ZCCHC14: variants seen among roughly 807,000 people sequenced by gnomAD.
ZCCHC14 encodes zinc finger CCHC-type containing 14, also known as zinc finger CCHC domain-containing protein 14.
A neutral mutation model predicts 85.0 loss-of-function variants in ZCCHC14; 16 were observed. The ratio of observed to expected loss-of-function variants is 0.19; its 90% CI spans 0.13 to 0.29. The LOEUF (loss-of-function observed/expected upper bound fraction) is 0.29, where lower values mean the gene tolerates loss of function less well. Among genes scored for constraint, ZCCHC14 ranks in the 10% least tolerant of loss-of-function variants. The probability of loss-of-function intolerance (pLI) is 1.00; values close to 1 mark genes in which losing one functional copy is unlikely to be tolerated. For synonymous variants in ZCCHC14, 775 were observed against 630.7 expected (o/e 1.23, Z -3.43); for missense variants, 1,303 against 1,443.5 (o/e 0.90, Z 1.58).
At chr16:87,432,915 C>T (rs1431577404) in intron 3 of ZCCHC14, among the ~76,000 whole-genome samples, 2 of 152,080 alleles carry the variant, frequency 1.3e-5, no homozygotes, top group Admixed American at 6.5e-5. Context: ...AGGCCCTGCC[C>T]GAGCCCCCAC....
intron 1 of ZCCHC14, among the ~76,000 whole-genome samples, chr16:87,462,716 G>C (rs1597440658): frequency 1.3e-5 from 2 of 151,126 alleles, no homozygotes; most frequent in Admixed American, 6.6e-5. Context: ...CTCCAGCCTG[G>C]GCGACAGAGA....
intron 2 of ZCCHC14, 93 bp from the exon 3 acceptor site, chr16:87,433,294 A>G: frequency 2.4e-6 from 3 of 1,229,350 alleles, no homozygotes; most frequent in Non-Finnish European, 3.4e-6. Context: ...TTTCAAAACC[A>G]GGTTCTCAGC....
intron 1 of ZCCHC14, among the ~76,000 whole-genome samples, chr16:87,483,919 GTAA>G (rs1912400563): frequency 6.6e-6 from 1 of 152,218 alleles, no homozygotes. Flanking sequence ...GCACTGGTTT[GTAA>G]TAATACGATG....
At chr16:87,474,356 A>G (rs887009865) in intron 1 of ZCCHC14, 4 of 152,118 alleles carry the variant, frequency 2.6e-5, no homozygotes, top group Admixed American at 2.0e-4. Flanking sequence ...TTAACAGCAC[A>G]TGTTCCAGTT....
intron 2 of ZCCHC14, among the ~76,000 whole-genome samples, chr16:87,443,939 AG>A (rs1910306510): frequency 6.7e-6 from 1 of 148,242 alleles, no homozygotes; most frequent in Non-Finnish European, 1.5e-5. Context: ...CAGGAGGCTG[AG>A]GCATGAGAAT....
chr16:87,458,840 G>A (rs1238330567), intron 2 of ZCCHC14, among the ~76,000 whole-genome samples: 1 of 152,154 alleles, frequency 6.6e-6, no homozygotes, highest in Non-Finnish European at 1.5e-5. Context: ...GACACAGCCG[G>A]CCTCGGTACC....
intron 8 of ZCCHC14, among the ~76,000 whole-genome samples, chr16:87,416,906 C>T (rs1322625200): frequency 6.6e-6 from 1 of 152,168 alleles, no homozygotes; most frequent in African/African-American, 2.4e-5. Context: ...TAAAAGCCAC[C>T]AAGCCGGTTT....
chr16:87,412,772 A>T lies in ZCCHC14; in HGVS notation c.1949T>A (p.Val650Glu). 2 of 1,614,062 alleles carry T rather than the reference A, an allele frequency of 1.2e-6. No homozygotes were observed. Among genetic ancestry groups the T allele is most frequent in the Non-Finnish European group, 1.7e-6 (2 of 1,179,950 alleles). The change falls in exon 12 of 13, where the codon GTG (valine) becomes GAG (glutamate). Residue 650 changes from valine (V) to glutamate (E), a missense_variant. Around this residue, in one of 7 missense-constraint regions of ZCCHC14, gnomAD observed 797 missense variants for 730.8 expected, o/e 1.09. Transcript: ENST00000671377. The stretch of plus-strand genomic sequence containing the variant: ...CGCGCTCCCTCTTTCCGGCTTGTGC[A>T]CGGAATTCAGCATGCGGATGGGTGT... ...HITPIRMLNS[V>E]HKPERGSADM...
At chr16:87,418,797 A>T (rs28607955) in intron 7 of ZCCHC14, 50 bp downstream of exon 7, 1 of 1,563,160 alleles carries the variant, frequency 6.4e-7, no homozygotes, top group Non-Finnish European at 8.8e-7. Flanking sequence ...CAAAGTAAAC[A>T]TTGTAAAATG....
chr16:87,440,781 A>AT lies in ZCCHC14; in HGVS notation c.695-7581dup, dbSNP rs112200566. 7.9e-3 allele frequency among the ~76,000 whole-genome samples: 1,147 copies of AT among 146,016 alleles called. 10 individuals carry two copies. Among genetic ancestry groups the AT allele is most frequent in the African/African-American group, 0.026 (1,033 of 39,756 alleles). On this transcript the variant is annotated intron_variant, in intron 2 of 12. Coordinates refer to ENST00000671377, the MANE Select transcript of ZCCHC14 (RefSeq NM_015144.3). ...ATCACCATGCCCAGCCGATTTTTGT[A>AT]TTTTTTTTTTGTAGACACGGGGTTT...
At chr16:87,466,319 C>T (rs1463736754) in intron 1 of ZCCHC14, among the ~76,000 whole-genome samples, 1 of 152,166 alleles carries the variant, frequency 6.6e-6, no homozygotes, top group East Asian at 1.9e-4. Context: ...CCAAGTGGGA[C>T]GTGCTGACGC....
intron 3 of ZCCHC14, among the ~76,000 whole-genome samples, chr16:87,431,723 T>C (rs1338464837): frequency 1.3e-5 from 2 of 152,178 alleles, no homozygotes; most frequent in Admixed American, 6.5e-5. Flanking sequence ...TGAAGAGGCC[T>C]GACACCGCAA....
intron 1 of ZCCHC14, among the ~76,000 whole-genome samples, chr16:87,468,864 A>C (rs1036290241): frequency 1.3e-5 from 2 of 152,206 alleles, no homozygotes; most frequent in African/African-American, 4.8e-5. Context: ...CAAGGCTGAG[A>C]GGCCCTCCCT....
chr16:87,485,059 G>C (rs1172518962), intron 1 of ZCCHC14, among the ~76,000 whole-genome samples: 1 of 152,198 alleles, frequency 6.6e-6, no homozygotes, highest in African/African-American at 2.4e-5. Flanking sequence ...ATTTTTCTGT[G>C]AGCCTGCAAA....
At position 87,492,899 on chromosome 16, in the gene ZCCHC14, G is replaced by A. The variant is rs2057385959; in HGVS notation, c.-661C>T. 1.3e-5 allele frequency among the ~76,000 whole-genome samples: 2 copies of A among 148,866 alleles called. No individual in the cohort carries two copies. ...TGCTCCCGCGCGGCGGACGGATCCG[G>A]GCCCGAGCGCGGCGGCGGCGGCGAC... On this transcript the variant is annotated 5_prime_UTR_variant, in exon 1 of 13. Coordinates refer to ENST00000671377, the MANE Select transcript of ZCCHC14 (RefSeq NM_015144.3). This position sits in a 1 kb window ranked among gnomAD's most constrained non-coding sequence, Gnocchi z 6.7.
intron 1 of ZCCHC14, among the ~76,000 whole-genome samples, chr16:87,488,642 T>A (rs954073683): frequency 6.6e-6 from 1 of 152,208 alleles, no homozygotes; most frequent in Non-Finnish European, 1.5e-5. Flanking sequence ...AGTGGCATGA[T>A]CATACCTCAC....
intron 1 of ZCCHC14, among the ~76,000 whole-genome samples, chr16:87,464,188 G>A (rs1321619262): frequency 6.6e-6 from 1 of 152,192 alleles, no homozygotes; most frequent in Admixed American, 6.5e-5. Flanking sequence ...GGGAGAGGAG[G>A]GCTGAGCAGG....
Position 87,412,635 on chromosome 16 carries a change from T to C in ZCCHC14, c.2086A>G (p.Met696Val), listed in dbSNP as rs768315452. 8 of 1,614,104 alleles carry C rather than the reference T, an allele frequency of 5.0e-6. No homozygotes were observed. The African/African-American group carries it at 5.3e-5, about 11-fold the overall frequency. The change falls in exon 12 of 13, where the codon ATG becomes GTG. Residue 696 changes from methionine (M) to valine (V), a missense_variant. Around this residue, in one of 7 missense-constraint regions of ZCCHC14, gnomAD observed 797 missense variants for 730.8 expected, o/e 1.09. Coordinates refer to ENST00000671377, the MANE Select transcript of ZCCHC14 (RefSeq NM_015144.3). ...GCGGACGCGGGCAGCACGTCCATCA[T>C]GGCGCTGCCAAAGCTCTTGTCCACT... ...MKVDKSFGSAMMDVLPASAPH... is the reference protein window; with the variant it reads ...MKVDKSFGSAVMDVLPASAPH...
At chr16:87,423,725 T>G (rs1597406544) in intron 4 of ZCCHC14, 85 bp downstream of exon 4, 1 of 1,470,790 alleles carries the variant, frequency 6.8e-7, no homozygotes, top group African/African-American at 1.4e-5. Context: ...CTGAAGGGAG[T>G]GGCCTCTGAA....
Sources: gnomAD v4.1 joint callset for allele counts (sites outside exome capture counted in the v4.1 genomes callset) on GRCh38, gnomAD v4.1.1 for gene constraint, gnomAD v4.1.1 regional missense constraint, Gnocchi (gnomAD v3.1) non-coding constraint, MANE v1.5 for transcripts, NCBI Gene and HGNC (gene_info 2026-07-23, HGNC 2026-07-21) for gene names.